The following KBTBD11 variants were observed in gnomAD, a reference collection of about 807,000 sequenced individuals.
KBTBD11 encodes kelch repeat and BTB domain containing 11.
For missense variants in KBTBD11, 1,390 were observed against 1,001.8 expected (o/e 1.39, Z -5.23); for synonymous variants, 747 against 499.0 (o/e 1.50, Z -6.63).
chr8:1,984,197 G>C (rs1816634133), intron 1 of KBTBD11, among the ~76,000 whole-genome samples: 1 of 152,060 alleles, frequency 6.6e-6, no homozygotes, highest in Non-Finnish European at 1.5e-5. Context: ...AAACACTTTG[G>C]GAGGCCGAGG....
intron 1 of KBTBD11, among the ~76,000 whole-genome samples, chr8:1,983,163 C>T (rs1816596210): frequency 1.3e-5 from 2 of 152,196 alleles, no homozygotes; most frequent in African/African-American, 4.8e-5. Context: ...TCTGTGCCAC[C>T]CACAAAAGCA....
chr8:1,978,157 G>T (rs760598924), intron 1 of KBTBD11, among the ~76,000 whole-genome samples: 1 of 152,154 alleles, frequency 6.6e-6, no homozygotes, highest in Admixed American at 6.5e-5. Context: ...TCCCTCCGCC[G>T]CCCTCTACAG....
At position 2,001,813 on chromosome 8, in the gene KBTBD11, G is replaced by T; in HGVS notation, c.621G>T (p.Val207=). 1 of 1,228,124 alleles carries T rather than the reference G, an allele frequency of 8.1e-7. No homozygotes were observed. Among genetic ancestry groups the T allele is most frequent in the South Asian group, 3.4e-5 (1 of 29,440 alleles). The allele number at this position is 1,228,124 out of a possible 1,614,324, so 76.1% of individuals were successfully genotyped here. ...TGCGGCCCGACAACGTGGCCGAGGT[G>T]GTGGCCGGCGCGCGCCGCCTGCAGC... ...AGVRPDNVAE[V]VAGARRLQLP... is the part of the protein sequence containing the mutation. Residue 207 remains valine (V), a synonymous_variant, in exon 2 of 2, where the codon GTG becomes GTT. Coordinates refer to ENST00000320248, the MANE Select transcript of KBTBD11 (RefSeq NM_014867.3).
At chr8:1,988,336 A>G in intron 1 of KBTBD11, among the ~76,000 whole-genome samples, 1 of 152,176 alleles carries the variant, frequency 6.6e-6, no homozygotes, top group East Asian at 1.9e-4. Flanking sequence ...GAACTAGTTT[A>G]CACTCCCACC....
Position 2,003,274 on chromosome 8 carries a change from A to G in KBTBD11, c.*210A>G, listed in dbSNP as rs1324968325. On this transcript the variant is annotated 3_prime_UTR_variant, in exon 2 of 2. Transcript: ENST00000320248. ...TGCTTCTGGGGGTGGATGCCTTGAG[A>G]CCCAGGAGGTGTGCGGATGGGTCCC... The G allele has an allele frequency of 1.4e-6, 1 of 711,902 alleles. No homozygotes were observed. The highest frequency in any genetic ancestry group is 2.0e-6 in the Non-Finnish European group (1 of 504,730). 44.1% of individuals were successfully genotyped at this position (711,902 alleles called of 1,614,324 possible).
rs138969857 is a variant in KBTBD11, at chr8:1,984,437, C to T, written c.-909+10502C>T. Reference sequence around the variant, plus strand: ...CCAAGTAGCTGGGACAACAGCTGCCCGCACCACACCTGGCTAATTTTTTGT... The same window carrying T: ...CCAAGTAGCTGGGACAACAGCTGCCTGCACCACACCTGGCTAATTTTTTGT... On this transcript the variant is annotated intron_variant, in intron 1 of 1. Transcript: ENST00000320248. Among the ~76,000 whole-genome samples the T allele has an allele frequency of 1.9e-3, 295 of 151,840 alleles. 1 individual carries two copies. The highest frequency in any genetic ancestry group is 6.1e-3 in the African/African-American group (251 of 41,370).
chr8:2,002,073 C>T lies in KBTBD11; in HGVS notation c.881C>T (p.Ala294Val). The T allele has an allele frequency of 8.8e-7, 1 of 1,137,156 alleles. No individual in the cohort carries two copies. Among genetic ancestry groups the T allele is most frequent in the East Asian group, 5.0e-5 (1 of 19,934 alleles). 70.4% of individuals were successfully genotyped at this position (1,137,156 alleles called of 1,614,324 possible). The change falls in exon 2 of 2, where the codon GCC becomes GTC. Residue 294 changes from alanine to valine, a missense_variant. Physicochemically the swap from Ala to Val is moderately conservative, Grantham distance 64. Transcript: ENST00000320248. The surrounding 1 kb of genome is among the most constrained non-coding windows in gnomAD (Gnocchi z 4.1). ...LLRRRLRAGRAHLLAAALGPA... is the reference protein window; with the variant it reads ...LLRRRLRAGRVHLLAAALGPA... ...CGCCGCCGCCTGCGCGCCGGCCGCG[C>T]CCACCTCTTGGCCGCGGCGCTCGGG...
chr8:1,974,494 T>A, intron 1 of KBTBD11: 1 of 983,836 alleles, frequency 1.0e-6, no homozygotes, highest in South Asian at 4.7e-5. Context: ...GGGTCTCTCC[T>A]GGACTCGGGG....
chr8:1,993,121 A>G (rs1171698294), intron 1 of KBTBD11, among the ~76,000 whole-genome samples: 1 of 151,550 alleles, frequency 6.6e-6, no homozygotes, highest in African/African-American at 2.4e-5. Flanking sequence ...TTTTTTTTGT[A>G]TTTTTAGTAG....
At chr8:1,981,696 C>T (rs1275534664) in intron 1 of KBTBD11, among the ~76,000 whole-genome samples, 1 of 152,218 alleles carries the variant, frequency 6.6e-6, no homozygotes, top group Non-Finnish European at 1.5e-5. Flanking sequence ...TTCTCTGCCT[C>T]TCCCACTCTC....
At chr8:1,992,968 G>A (rs541647163) in intron 1 of KBTBD11, among the ~76,000 whole-genome samples, 1 of 152,036 alleles carries the variant, frequency 6.6e-6, no homozygotes, top group Admixed American at 6.5e-5. Context: ...GACATGGTCT[G>A]ATTCTGTTGC....
intron 1 of KBTBD11, among the ~76,000 whole-genome samples, chr8:1,980,699 C>T (rs560828936): frequency 6.6e-6 from 1 of 152,226 alleles, no homozygotes; most frequent in Non-Finnish European, 1.5e-5. Flanking sequence ...GGAGCCTCCG[C>T]CAGCTGGAGG....
At position 2,005,078 on chromosome 8, in the gene KBTBD11, C is replaced by T. The variant is rs76703050; in HGVS notation, c.*2014C>T. On this transcript the variant is annotated 3_prime_UTR_variant, in exon 2 of 2. Coordinates refer to ENST00000320248, the MANE Select transcript of KBTBD11 (RefSeq NM_014867.3). ...TAGGCTTCCAGAGTAACACTGTCCC[C>T]GGAAAAGGATATGAGAAGTGGTGGA... is the stretch of plus-strand genomic sequence containing the variant. 12 of 167,100 alleles carry T rather than the reference C, an allele frequency of 7.2e-5. No individual in the cohort carries two copies. The highest frequency in any genetic ancestry group is 1.3e-4 in the Non-Finnish European group (9 of 68,104). 10.4% of individuals were successfully genotyped at this position (167,100 alleles called of 1,614,324 possible). A position where few individuals can be genotyped will look rare whatever the true frequency, so the allele number is the denominator to read the frequency against.
In KBTBD11 at chr8:1,987,000, A is replaced by C. The variant is rs560433021; in HGVS notation, c.-909+13065A>C. Among the ~76,000 whole-genome samples the C allele has an allele frequency of 5.2e-4, 59 of 112,936 alleles. 1 individual carries two copies. The highest frequency in any genetic ancestry group is 2.0e-3 in the African/African-American group (52 of 25,570). The allele number at this position is 112,936 out of a possible 152,430, so 74.1% of individuals were successfully genotyped here. On this transcript the variant is annotated intron_variant, in intron 1 of 1. Transcript: ENST00000320248. ...CAGCCTGGCAACATAGTGAGACCCT[A>C]TCTCTCCAAAAAAAAAAAAAAAAAA...
chr8:1,998,873 G>A lies in KBTBD11; in HGVS notation c.-908-1412G>A, dbSNP rs117538186. On this transcript the variant is annotated intron_variant, in intron 1 of 1. Coordinates refer to ENST00000320248, the MANE Select transcript of KBTBD11 (RefSeq NM_014867.3). ...TGCAGCTTCACAGCTTTTCCATTTCGGGTCACCGTTACATTGTGGTCCTTT... is the reference window on the plus strand; with the variant it reads ...TGCAGCTTCACAGCTTTTCCATTTCAGGTCACCGTTACATTGTGGTCCTTT... Among the ~76,000 whole-genome samples, 1,092 of 152,256 alleles carry A rather than the reference G, an allele frequency of 7.2e-3. 6 individuals are homozygous for A. Among genetic ancestry groups the A allele is most frequent in the Non-Finnish European group, 0.011 (763 of 68,004 alleles).
chr8:1,988,119 T>C (rs1300863432), intron 1 of KBTBD11, among the ~76,000 whole-genome samples: 1 of 152,224 alleles, frequency 6.6e-6, no homozygotes, highest in Non-Finnish European at 1.5e-5. Context: ...ATTTTCTTTA[T>C]CCAGTCTATC....
In KBTBD11 at chr8:2,004,680, G is replaced by C. The variant is rs934117025; in HGVS notation, c.*1616G>C. 3 of 167,036 alleles carry C rather than the reference G, an allele frequency of 1.8e-5. No individual in the cohort carries two copies. Among genetic ancestry groups the C allele is most frequent in the Non-Finnish European group, 2.9e-5 (2 of 68,124 alleles). The allele number at this position is 167,036 out of a possible 1,614,324, so 10.3% of individuals were successfully genotyped here. On this transcript the variant is annotated 3_prime_UTR_variant, in exon 2 of 2. Transcript: ENST00000320248. Reference sequence around the variant, plus strand: ...TACGGTATGTTCTGGGGACGTGTCTGCTTGCCCATGGTTACTCATGAACTG... The same window carrying C: ...TACGGTATGTTCTGGGGACGTGTCTCCTTGCCCATGGTTACTCATGAACTG...
intron 1 of KBTBD11, among the ~76,000 whole-genome samples, chr8:1,976,675 A>G (rs1388660057): frequency 2.6e-5 from 4 of 152,102 alleles, no homozygotes; most frequent in African/African-American, 7.2e-5. Context: ...TAATACAGTG[A>G]AAGGCATTCA....
In KBTBD11 at chr8:2,006,627, C is replaced by G. The variant is rs945854720; in HGVS notation, c.*3563C>G. 6.0e-6 allele frequency: 1 copy of G among 167,096 alleles called. No homozygotes were observed. The highest frequency in any genetic ancestry group is 2.4e-5 in the African/African-American group (1 of 41,466). The allele number at this position is 167,096 out of a possible 1,614,324, so 10.4% of individuals were successfully genotyped here. ...TCGGGCACCCGGCACAGACACTGTG[C>G]TGGCAGGAGCTTCAGACACGCCAAG... On this transcript the variant is annotated 3_prime_UTR_variant, in exon 2 of 2. Coordinates refer to ENST00000320248, the MANE Select transcript of KBTBD11 (RefSeq NM_014867.3).
Sources: allele counts gnomAD v4.1 joint callset (sites outside exome capture counted in the v4.1 genomes callset), GRCh38; gene constraint gnomAD v4.1.1; non-coding constraint Gnocchi (gnomAD v3.1); transcripts MANE v1.5; gene names NCBI Gene and HGNC (gene_info 2026-07-23, HGNC 2026-07-21).